EBF1: variants seen among roughly 807,000 people sequenced by gnomAD.
EBF1 encodes transcription factor COE1.
In EBF1, 10 loss-of-function variants were observed where a neutral mutation model predicts 68.4. The observed-to-expected ratio is 0.15, with a 90% CI of 0.09 to 0.25. The LOEUF is 0.25. Ranked by LOEUF, EBF1 falls within the 10% of genes least tolerant of loss-of-function variation. EBF1 has a pLI of 1.00. For missense variants in EBF1, 509 were observed against 794.4 expected, an observed-to-expected ratio of 0.64 and a Z score of 4.32; for synonymous variants, 298 against 299.8, an observed-to-expected ratio of 0.99 and a Z score of 0.06.
intron 11 of EBF1, among the ~76,000 whole-genome samples, chr5:158,728,934 T>C (rs1763526438): frequency 6.6e-6 from 1 of 152,210 alleles, no homozygotes; most frequent in African/African-American, 2.4e-5. Flanking sequence ...TCTTTATCCT[T>C]ACATGATCCC....
At chr5:158,795,798 G>T (rs948769495) in intron 9 of EBF1, among the ~76,000 whole-genome samples, 5 of 152,140 alleles carry the variant, frequency 3.3e-5, no homozygotes, top group Non-Finnish European at 2.9e-5. Flanking sequence ...ACACTGAGAT[G>T]CTTGAGAGCT....
chr5:158,889,152 T>G (rs775087383), intron 6 of EBF1, among the ~76,000 whole-genome samples: 2 of 152,156 alleles, frequency 1.3e-5, no homozygotes, highest in Non-Finnish European at 2.9e-5. Context: ...GTGGCCAGGA[T>G]TCTATAATGC....
At chr5:158,875,043 A>G (rs986251922) in intron 6 of EBF1, among the ~76,000 whole-genome samples, 1 of 116,696 alleles carries the variant, frequency 8.6e-6, no homozygotes, top group African/African-American at 3.4e-5. Context: ...ACACACAAGC[A>G]CACACACACA....
chr5:158,923,021 G>T (rs1392465850), intron 6 of EBF1, among the ~76,000 whole-genome samples: 1 of 152,188 alleles, frequency 6.6e-6, no homozygotes, highest in African/African-American at 2.4e-5. Flanking sequence ...CCAATTAGGT[G>T]GTCTATTAGC....
At chr5:158,805,770 G>A (rs1208722566) in intron 8 of EBF1, among the ~76,000 whole-genome samples, 1 of 151,984 alleles carries the variant, frequency 6.6e-6, no homozygotes, top group Non-Finnish European at 1.5e-5. Flanking sequence ...CCTCTTAGCA[G>A]AATTTGACTG....
intron 11 of EBF1, among the ~76,000 whole-genome samples, chr5:158,728,722 C>T (rs1763485102): frequency 6.6e-6 from 1 of 152,140 alleles, no homozygotes. Flanking sequence ...CACCACCATG[C>T]CTAGCTAACG....
intron 6 of EBF1, among the ~76,000 whole-genome samples, chr5:158,983,921 TG>T (rs1291204754): frequency 8.6e-5 from 13 of 151,638 alleles, no homozygotes; most frequent in African/African-American, 2.9e-4. Flanking sequence ...TGTGTGTGTG[TG>T]TGTGTGTGTG....
At chr5:158,827,132 A>G (rs1786333001) in intron 7 of EBF1, among the ~76,000 whole-genome samples, 1 of 152,208 alleles carries the variant, frequency 6.6e-6, no homozygotes, top group African/African-American at 2.4e-5. Context: ...AAACATTAGT[A>G]GCAGTAATAG....
intron 4 of EBF1, among the ~76,000 whole-genome samples, chr5:159,093,450 T>C (rs1584566330): frequency 1.3e-5 from 2 of 152,314 alleles, no homozygotes; most frequent in African/African-American, 4.8e-5. Flanking sequence ...GGCAAATGAC[T>C]TTCTCATAAG....
At chr5:158,968,332 C>T (rs1754589389) in intron 6 of EBF1, among the ~76,000 whole-genome samples, 1 of 152,198 alleles carries the variant, frequency 6.6e-6, no homozygotes, top group African/African-American at 2.4e-5. Context: ...ATCATTCATG[C>T]CCCCTCTCAT....
chr5:158,717,678 A>G (rs1162931914), intron 11 of EBF1, among the ~76,000 whole-genome samples: 3 of 151,990 alleles, frequency 2.0e-5, no homozygotes, highest in African/African-American at 7.3e-5. Context: ...GACAAATACT[A>G]GTATCCTAAA....
chr5:159,006,150 A>C (rs1044706927), intron 6 of EBF1, among the ~76,000 whole-genome samples: 4 of 152,208 alleles, frequency 2.6e-5, no homozygotes, highest in African/African-American at 9.6e-5. Flanking sequence ...CTGCCACTTA[A>C]AACGCAGACC....
intron 6 of EBF1, among the ~76,000 whole-genome samples, chr5:158,996,835 T>C (rs1376394894): frequency 6.6e-6 from 1 of 152,222 alleles, no homozygotes; most frequent in East Asian, 1.9e-4. Flanking sequence ...AACTTTTAAA[T>C]GAAATATGTT....
At chr5:158,986,624 G>C (rs1759139586) in intron 6 of EBF1, among the ~76,000 whole-genome samples, 1 of 152,182 alleles carries the variant, frequency 6.6e-6, no homozygotes, top group South Asian at 2.1e-4. Context: ...AAAATATTCT[G>C]CCGACCAAGC....
chr5:158,744,872 G>A (rs574224098), intron 10 of EBF1, among the ~76,000 whole-genome samples: 2 of 152,292 alleles, frequency 1.3e-5, no homozygotes, highest in South Asian at 4.1e-4. Flanking sequence ...ATTTGGAGCA[G>A]TGAAGATGAG....
chr5:159,005,666 A>C (rs543787602), intron 6 of EBF1, among the ~76,000 whole-genome samples: 139 of 152,326 alleles, frequency 9.1e-4, no homozygotes, highest in Admixed American at 2.3e-3. Context: ...CATAAAAAAA[A>C]CCAGAATATC....
intron 6 of EBF1, among the ~76,000 whole-genome samples, chr5:158,899,202 G>T (rs1212236139): frequency 6.6e-6 from 1 of 152,184 alleles, no homozygotes; most frequent in Non-Finnish European, 1.5e-5. Flanking sequence ...GCAATTACTT[G>T]TGAGTTAAAG....
chr5:158,892,326 T>G (rs566696311), intron 6 of EBF1, among the ~76,000 whole-genome samples: 239 of 152,172 alleles, frequency 1.6e-3, no homozygotes, highest in African/African-American at 4.8e-3. Context: ...CCATCTCTAC[T>G]AAAAATACAA....
At chr5:159,074,889 A>T (rs1778457926) in intron 5 of EBF1, among the ~76,000 whole-genome samples, 3 of 151,958 alleles carry the variant, frequency 2.0e-5, no homozygotes, top group African/African-American at 7.3e-5. Context: ...GGGATGGAAA[A>T]ACCAAAGTAT....
Sources: allele counts gnomAD v4.1 joint callset (sites outside exome capture counted in the v4.1 genomes callset), GRCh38; gene constraint gnomAD v4.1.1; transcripts MANE v1.5; gene names NCBI Gene and HGNC (gene_info 2026-07-23, HGNC 2026-07-21).